The following ANKRD26 variants were observed in gnomAD, a reference collection of about 807,000 sequenced individuals.
The protein encoded by ANKRD26 is ankyrin repeat domain 26, also known as ankyrin repeat domain-containing protein 26.
Under a neutral mutation model 208.7 loss-of-function variants are expected in ANKRD26, and 141 were observed. That is an observed-to-expected ratio of 0.68 (90% confidence interval 0.59 to 0.78). The LOEUF is 0.78. Ranked by LOEUF, ANKRD26 falls within the 30% of genes least tolerant of loss-of-function variation. The pLI is 0.00. For synonymous variants in ANKRD26, 636 were observed against 660.4 expected, an observed-to-expected ratio of 0.96 and a Z score of 0.57; for missense variants, 1,889 against 1,938.7, an observed-to-expected ratio of 0.97 and a Z score of 0.48.
At chr10:27,055,975 C>G (rs1378086578) in intron 15 of ANKRD26, among the ~76,000 whole-genome samples, 2 of 152,074 alleles carry the variant, frequency 1.3e-5, no homozygotes, top group Non-Finnish European at 2.9e-5. Context: ...TCCCAAAACT[C>G]TAAATATAAC....
At chr10:26,968,736 A>G in the ANKRD26 span, among the ~76,000 whole-genome samples, 1 of 152,250 alleles carries the variant, frequency 6.6e-6, no homozygotes, top group African/African-American at 2.4e-5. Flanking sequence ...GCAGCCTTAA[A>G]TTGAGAAGCT....
intron 23 of ANKRD26, among the ~76,000 whole-genome samples, chr10:27,036,673 A>G (rs1176894605): frequency 6.6e-6 from 1 of 152,130 alleles, no homozygotes; most frequent in East Asian, 1.9e-4. Context: ...ATGGCATATC[A>G]TTGTTTCAAA....
intron 30 of ANKRD26, among the ~76,000 whole-genome samples, chr10:27,015,676 T>G (rs2053265166): frequency 6.6e-6 from 1 of 152,128 alleles, no homozygotes; most frequent in East Asian, 1.9e-4. Context: ...GAGCTGAGAA[T>G]GAGGAGTGAA....
chr10:27,044,270 T>C, intron 18 of ANKRD26, 80 bp from the exon 19 acceptor site: 1 of 1,220,766 alleles, frequency 8.2e-7, no homozygotes, highest in Non-Finnish European at 1.1e-6. Context: ...TTTTTTTAAA[T>C]AAAAGCTCTG....
At chr10:26,996,650 C>T (rs904820272) in intron 4 of ANKRD26, among the ~76,000 whole-genome samples, 1 of 152,152 alleles carries the variant, frequency 6.6e-6, no homozygotes, top group African/African-American at 2.4e-5. Context: ...ATGAGATAAT[C>T]TTGTATGATA....
the ANKRD26 span, among the ~76,000 whole-genome samples, chr10:26,949,717 C>A: frequency 5.3e-5 from 8 of 152,148 alleles, no homozygotes; most frequent in African/African-American, 1.9e-4. Flanking sequence ...CGTGGCCAGG[C>A]TGGCCTTGAA....
chr10:27,028,360 G>A (rs2053740470), intron 27 of ANKRD26, among the ~76,000 whole-genome samples: 1 of 151,934 alleles, frequency 6.6e-6, no homozygotes, highest in Non-Finnish European at 1.5e-5. Context: ...ACTTTGGGAG[G>A]CCGAGGCGGG....
At chr10:27,076,207 A>AGGG in intron 9 of ANKRD26, among the ~76,000 whole-genome samples, 1 of 152,116 alleles carries the variant, frequency 6.6e-6, no homozygotes, top group South Asian at 2.1e-4. Context: ...ATGTATTTAT[A>AGGG]ACCAAAAACA....
intron 18 of ANKRD26, among the ~76,000 whole-genome samples, chr10:27,045,510 C>A (rs528552066): frequency 6.6e-6 from 1 of 151,554 alleles, no homozygotes; most frequent in African/African-American, 2.4e-5. Context: ...TATTTTAGAA[C>A]TTTATAATCT....
intron 15 of ANKRD26, among the ~76,000 whole-genome samples, chr10:27,059,259 T>C (rs1051744595): frequency 2.6e-5 from 4 of 152,160 alleles, no homozygotes; most frequent in African/African-American, 7.2e-5. Context: ...GAGAGTTTAA[T>C]TAAATGTACA....
downstream of ANKRD26, among the ~76,000 whole-genome samples, chr10:27,000,101 G>C (rs1437276270): frequency 6.6e-6 from 1 of 151,544 alleles, no homozygotes; most frequent in African/African-American, 2.4e-5. Flanking sequence ...GAAACTCACA[G>C]GAAAAAAGTT....
chr10:26,979,998 C>A (rs2052283915), intron 5 of ANKRD26, among the ~76,000 whole-genome samples: 1 of 152,074 alleles, frequency 6.6e-6, no homozygotes, highest in African/African-American at 2.4e-5. Context: ...TTAGTTCTGA[C>A]CATGGCCCAA....
downstream of ANKRD26, among the ~76,000 whole-genome samples, chr10:26,972,676 C>T (rs1264061381): frequency 1.3e-5 from 2 of 150,486 alleles, no homozygotes; most frequent in Non-Finnish European, 3.0e-5. Context: ...CTGCAAGTTC[C>T]GCCTCCCAGG....
chr10:26,988,816 T>C (rs940140273), downstream of ANKRD26, among the ~76,000 whole-genome samples: 1 of 148,942 alleles, frequency 6.7e-6, no homozygotes, highest in Non-Finnish European at 1.5e-5. Flanking sequence ...AAGGCCAAGG[T>C]AGGAAGATCA....
intron 28 of ANKRD26, 50 bp downstream of exon 28, chr10:27,024,397 T>G (rs1182224190): frequency 3.0e-6 from 3 of 1,000,266 alleles, no homozygotes; most frequent in Non-Finnish European, 4.6e-6. Context: ...TAAAATTATA[T>G]TAAATCAATT....
At chr10:27,038,163 G>T in intron 21 of ANKRD26, 109 bp from the exon 22 acceptor site, 1 of 884,914 alleles carries the variant, frequency 1.1e-6, no homozygotes, top group Non-Finnish European at 1.7e-6. Flanking sequence ...CAATTTCTAT[G>T]TTCTTGAATA....
intron 15 of ANKRD26, among the ~76,000 whole-genome samples, chr10:27,054,853 A>T (rs1410752753): frequency 6.6e-6 from 1 of 152,210 alleles, no homozygotes; most frequent in African/African-American, 2.4e-5. Context: ...GTTAGGCAGA[A>T]GTCAGATGAT....
chr10:26,966,607 G>A, the ANKRD26 span, among the ~76,000 whole-genome samples: 1 of 152,110 alleles, frequency 6.6e-6, no homozygotes, highest in South Asian at 2.1e-4. Flanking sequence ...TTTTTAAGAA[G>A]AAATAAAGAA....
Position 27,048,877 on chromosome 10 carries a change from C to A in ANKRD26, c.1738G>T (p.Gly580Ter), listed in dbSNP as rs1216270855. ...DDAEDDDDDD[G>*]LIQKRKSGET... Reference sequence around the variant, plus strand: ...CCACTCTTTCTTTTTTGAATTAATCCATCATCATCATCATCATCTTCAGCA... The same window carrying A: ...CCACTCTTTCTTTTTTGAATTAATCAATCATCATCATCATCATCTTCAGCA... The change falls in exon 17 of 34, where the codon GGA becomes TGA. Residue 580 changes from glycine to a stop codon, truncating the protein, a stop_gained. Coordinates refer to ENST00000376087, the MANE Select transcript of ANKRD26 (RefSeq NM_014915.3). LOFTEE classifies it high-confidence loss of function. The A allele has an allele frequency of 6.2e-7, 1 of 1,605,054 alleles. No individual in the cohort carries two copies. The highest frequency in any genetic ancestry group is 8.5e-7 in the Non-Finnish European group (1 of 1,174,470).
Sources: gnomAD v4.1 joint callset for allele counts (sites outside exome capture counted in the v4.1 genomes callset) on GRCh38, gnomAD v4.1.1 for gene constraint, MANE v1.5 for transcripts, NCBI Gene and HGNC (gene_info 2026-07-23, HGNC 2026-07-21) for gene names.